Variants in TSPEAR observed in about 807,000 individuals in gnomAD.
The protein encoded by TSPEAR is thrombospondin-type laminin G domain and EAR repeat-containing protein.
TSPEAR carries 69 observed loss-of-function variants against 71.6 expected under a neutral mutation model. The observed-to-expected ratio is 0.96, with a 90% confidence interval of 0.79 to 1.18. The LOEUF (loss-of-function observed/expected upper bound fraction) is 1.18, where lower values mean the gene tolerates loss of function less well. Ranked by LOEUF, TSPEAR falls within the 50% of genes most tolerant of loss-of-function variation. The pLI, the probability that TSPEAR is intolerant of heterozygous loss-of-function variation, is 0.00. For missense variants in TSPEAR, 971 were observed against 894.9 expected (o/e 1.09, Z -1.09); for synonymous variants, 402 against 387.2 (o/e 1.04, Z -0.45).
intron 1 of TSPEAR, among the ~76,000 whole-genome samples, chr21:44,704,198 T>TG (rs1987793494): frequency 6.6e-6 from 1 of 151,494 alleles, no homozygotes; most frequent in South Asian, 2.1e-4. Flanking sequence ...TCCTAGCCCC[T>TG]GGGGGTGGGG....
At chr21:44,527,578 C>A (rs2145974392) in intron 6 of TSPEAR, 60 bp from the exon 7 acceptor site, 3 of 1,558,080 alleles carry the variant, frequency 1.9e-6, no homozygotes, top group Middle Eastern at 3.5e-4. Context: ...CCAGAGCAAT[C>A]CTCGCGGGAG....
intron 1 of TSPEAR, among the ~76,000 whole-genome samples, chr21:44,649,503 A>G (rs1231163544): frequency 6.6e-6 from 1 of 152,074 alleles, no homozygotes; most frequent in Non-Finnish European, 1.5e-5. Context: ...TACTGAGGAC[A>G]GCACCCCCTC....
At chr21:44,578,214 C>G (rs2089898520) in intron 1 of TSPEAR, among the ~76,000 whole-genome samples, 1 of 152,120 alleles carries the variant, frequency 6.6e-6, no homozygotes, top group South Asian at 2.1e-4. Flanking sequence ...GTTGCCACTA[C>G]AGAATCTGTA....
At chr21:44,614,766 C>T (rs73907063) in intron 1 of TSPEAR, among the ~76,000 whole-genome samples, 3,796 of 152,320 alleles carry the variant, frequency 0.025, 158 homozygotes, top group African/African-American at 0.086. Flanking sequence ...CACAAGACGA[C>T]AGCAGAAAAC....
rs547338412 is a variant in TSPEAR at position 44,708,307 on chromosome 21, C to T, written c.82+3126G>A. The stretch of plus-strand genomic sequence containing the variant: ...TCCTAACTGCAGGACACTCTAAGGG[C>T]TTTGGTCATGCACACGCAGCCAAGA... On this transcript the variant is annotated intron_variant, in intron 1 of 11. Transcript: ENST00000323084. Among the ~76,000 whole-genome samples, 41 of 152,184 alleles carry T rather than the reference C, an allele frequency of 2.7e-4. No homozygotes were observed. The South Asian group carries it at 6.8e-3, about 25-fold the overall frequency.
At chr21:44,508,898 C>A in intron 10 of TSPEAR, 1 of 1,478,114 alleles carries the variant, frequency 6.8e-7, no homozygotes, top group Non-Finnish European at 9.1e-7. Flanking sequence ...GCATGAAGCC[C>A]CCTCCTGCCT....
Position 44,531,078 on chromosome 21 carries a change from C to T in TSPEAR, c.598G>A (p.Val200Ile), listed in dbSNP as rs782081048. 50 of 1,613,604 alleles carry T rather than the reference C, an allele frequency of 3.1e-5. No individual in the cohort carries two copies. Among genetic ancestry groups the T allele is most frequent in the South Asian group, 6.6e-5 (6 of 91,062 alleles). ...TLSVKGARFF[V>I]GSRRRAKGLF... is the part of the protein sequence containing the mutation. ...CCTTTGGCTCTCCTCCGGCTGCCGA[C>T]GAAGAATCGAGCTCCTTTCACTGAC... Residue 200 changes from valine to isoleucine, a missense_variant, in exon 4 of 12, where the codon GTC (valine) becomes ATC (isoleucine). Val to Ile is a conservative substitution (Grantham distance 29). Transcript: ENST00000323084.
At position 44,687,953 on chromosome 21, in the gene TSPEAR, G is replaced by A. The variant is rs1986935004; in HGVS notation, c.82+23480C>T. Among the ~76,000 whole-genome samples the A allele has an allele frequency of 6.6e-6, 1 of 152,242 alleles. No individual in the cohort carries two copies. The highest frequency in any genetic ancestry group is 2.4e-5 in the African/African-American group (1 of 41,456). On this transcript the variant is annotated intron_variant, in intron 1 of 11. Coordinates refer to ENST00000323084, the MANE Select transcript of TSPEAR (RefSeq NM_144991.3). The surrounding 1 kb of genome is among the most constrained non-coding windows in gnomAD (Gnocchi z 4.4). ...TGCACTGACAGAGGCCGGCTCGGGGGTGAGTATCCGATCAAGCACAGTGAG... is the reference window on the plus strand; with the variant it reads ...TGCACTGACAGAGGCCGGCTCGGGGATGAGTATCCGATCAAGCACAGTGAG...
intron 1 of TSPEAR, among the ~76,000 whole-genome samples, chr21:44,698,575 G>A (rs1179101172): frequency 6.6e-6 from 1 of 152,144 alleles, no homozygotes; most frequent in African/African-American, 2.4e-5. Context: ...CGTCCCCACC[G>A]CCCCACATTT....
intron 1 of TSPEAR, chr21:44,654,125 G>A (rs139987612): frequency 1.1e-5 from 7 of 650,468 alleles, no homozygotes; most frequent in East Asian, 8.2e-5. Flanking sequence ...CTCACCGGCT[G>A]GGATCTAGTG....
Position 44,527,461 on chromosome 21 carries a change from G to A in TSPEAR, c.980C>T (p.Thr327Ile), listed in dbSNP as rs1262664455. 1 of 1,614,216 alleles carries A rather than the reference G, an allele frequency of 6.2e-7. No individual in the cohort carries two copies. The highest frequency in any genetic ancestry group is 8.5e-7 in the Non-Finnish European group (1 of 1,180,046). ...GATGCGGAACACCTCAATGCCCAGG[G>A]TCTCTGAGTTGGTGGACAAGTTCTG... ...EHQNLSTNSE[T>I]LGIEVFRIPQ... Residue 327 changes from threonine to isoleucine, a missense_variant, in exon 7 of 12, where the codon ACC becomes ATC. Physicochemically the swap from Thr to Ile is moderately conservative, Grantham distance 89. Transcript: ENST00000323084.
chr21:44,695,546 A>T lies in TSPEAR; in HGVS notation c.82+15887T>A, dbSNP rs1188562276. Among the ~76,000 whole-genome samples, 2 of 151,944 alleles carry T rather than the reference A, an allele frequency of 1.3e-5. No individual in the cohort carries two copies. Among genetic ancestry groups the T allele is most frequent in the Non-Finnish European group, 2.9e-5 (2 of 67,970 alleles). ...TCCCAAGACCCTTTTCCCAAGTCCA[A>T]TTTTTCCTCCAAGTTCCTGGTCCCT... is the stretch of plus-strand genomic sequence containing the variant. On this transcript the variant is annotated intron_variant, in intron 1 of 11. Coordinates refer to ENST00000323084, the MANE Select transcript of TSPEAR (RefSeq NM_144991.3). The surrounding 1 kb of genome is among the most constrained non-coding windows in gnomAD (Gnocchi z 4.5).
intron 1 of TSPEAR, among the ~76,000 whole-genome samples, chr21:44,609,763 C>T (rs782753983): frequency 4.5e-4 from 69 of 152,090 alleles, no homozygotes; most frequent in Non-Finnish European, 6.9e-4. Flanking sequence ...TAATCTGGTT[C>T]CACTATTCAG....
At chr21:44,709,100 C>A (rs2146343379) in intron 1 of TSPEAR, among the ~76,000 whole-genome samples, 1 of 152,350 alleles carries the variant, frequency 6.6e-6, no homozygotes, top group East Asian at 1.9e-4. Flanking sequence ...CCCAGCCTCC[C>A]AGCCTCCCAC....
At chr21:44,503,760 C>T (rs1208521050) in intron 11 of TSPEAR, among the ~76,000 whole-genome samples, 2 of 127,058 alleles carry the variant, frequency 1.6e-5, no homozygotes, top group Non-Finnish European at 3.3e-5. Flanking sequence ...GTTGGTGAGC[C>T]CTCGGGGGGA....
Position 44,660,866 on chromosome 21 carries a change from C to T in TSPEAR, c.82+50567G>A, listed in dbSNP as rs587711410. On this transcript the variant is annotated intron_variant, in intron 1 of 11. Coordinates refer to ENST00000323084, the MANE Select transcript of TSPEAR (RefSeq NM_144991.3). ...CCTGTAATCCCAGCTACTCAGGAGG[C>T]TGAGGCAGGAGAATTGCTTGAACCC... 9.5e-4 allele frequency among the ~76,000 whole-genome samples: 145 copies of T among 152,236 alleles called. 4 individuals are homozygous for T. In the South Asian group the frequency reaches 0.03, roughly 31 times the overall value.
At chr21:44,513,609 G>A (rs182335065) in intron 9 of TSPEAR, among the ~76,000 whole-genome samples, 36 of 152,298 alleles carry the variant, frequency 2.4e-4, no homozygotes, top group Admixed American at 1.6e-3. Flanking sequence ...TGGTGCTTCC[G>A]GGACTTGGCA....
intron 1 of TSPEAR, among the ~76,000 whole-genome samples, chr21:44,663,140 G>C (rs1395551164): frequency 6.8e-6 from 1 of 147,088 alleles, no homozygotes; most frequent in Non-Finnish European, 1.5e-5. Context: ...AAATGGAAAA[G>C]AATTCAATGA....
chr21:44,654,112 G>A, intron 1 of TSPEAR: 1 of 629,976 alleles, frequency 1.6e-6, no homozygotes, highest in Non-Finnish European at 2.9e-6. Flanking sequence ...AAAGGCGCAT[G>A]GCCTCACCGG....
Sources: allele counts gnomAD v4.1 joint callset (sites outside exome capture counted in the v4.1 genomes callset), GRCh38; gene constraint gnomAD v4.1.1; non-coding constraint Gnocchi (gnomAD v3.1); transcripts MANE v1.5; gene names NCBI Gene and HGNC (gene_info 2026-07-23, HGNC 2026-07-21).